The following ATRNL1 variants were observed in gnomAD, a reference collection of about 807,000 sequenced individuals.
The protein encoded by ATRNL1 is attractin like 1.
In ATRNL1, 95 loss-of-function variants were observed where a neutral mutation model predicts 182.7. The ratio of observed to expected loss-of-function variants is 0.52; its 90% CI spans 0.44 to 0.62. The LOEUF (loss-of-function observed/expected upper bound fraction) is 0.62. ATRNL1 is among the 20% of genes least tolerant of loss of function. The probability of loss-of-function intolerance (pLI) is 0.00; values close to 1 mark genes in which losing one functional copy is unlikely to be tolerated. For synonymous variants in ATRNL1, 576 were observed against 568.3 expected (o/e 1.01, Z -0.19); for missense variants, 1,471 against 1,679.5 (o/e 0.88, Z 2.17).
At chr10:115,209,723 T>C (rs1848948670) in intron 8 of ATRNL1, among the ~76,000 whole-genome samples, 1 of 151,900 alleles carries the variant, frequency 6.6e-6, no homozygotes, top group Admixed American at 6.6e-5. Context: ...TAAGAACATA[T>C]GTTTTCTGAG....
intron 21 of ATRNL1, among the ~76,000 whole-genome samples, chr10:115,433,910 C>T (rs1846282946): frequency 1.3e-5 from 2 of 152,086 alleles, no homozygotes; most frequent in South Asian, 4.2e-4. Context: ...TCCACCAGGT[C>T]CCCCAAGTTG....
chr10:115,342,767 T>G (rs904211361), intron 19 of ATRNL1, among the ~76,000 whole-genome samples: 13 of 152,124 alleles, frequency 8.5e-5, no homozygotes, highest in African/African-American at 2.4e-4. Context: ...GCATTTCTTT[T>G]AGGACAGGTC....
chr10:115,275,481 A>G (rs113295629), intron 13 of ATRNL1, among the ~76,000 whole-genome samples: 3,409 of 152,314 alleles, frequency 0.022, 48 homozygotes, highest in South Asian at 0.036. Flanking sequence ...CACCAATGCC[A>G]TAGATGTAAG....
intron 28 of ATRNL1, among the ~76,000 whole-genome samples, chr10:115,854,465 C>G (rs1473243663): frequency 1.3e-5 from 2 of 152,156 alleles, no homozygotes; most frequent in Admixed American, 6.5e-5. Context: ...TACAGGCATT[C>G]CCCCAGGTCT....
chr10:115,112,706 A>T (rs782698628), intron 1 of ATRNL1, among the ~76,000 whole-genome samples: 2 of 152,190 alleles, frequency 1.3e-5, no homozygotes, highest in Non-Finnish European at 2.9e-5. Context: ...TTAAGAAGGG[A>T]TGATATGATG....
At chr10:115,937,446 A>C (rs1350619514) in intron 28 of ATRNL1, among the ~76,000 whole-genome samples, 1 of 152,202 alleles carries the variant, frequency 6.6e-6, no homozygotes, top group African/African-American at 2.4e-5. Flanking sequence ...ATTTTTGTTC[A>C]ACAATGTAAC....
At chr10:115,540,312 C>G (rs963901423) in intron 25 of ATRNL1, among the ~76,000 whole-genome samples, 2 of 152,128 alleles carry the variant, frequency 1.3e-5, no homozygotes, top group South Asian at 2.1e-4. Flanking sequence ...TCCCGCTGCA[C>G]TGACTCAAGA....
At chr10:115,613,502 C>A (rs1370316856) in intron 26 of ATRNL1, among the ~76,000 whole-genome samples, 1 of 151,990 alleles carries the variant, frequency 6.6e-6, no homozygotes, top group Admixed American at 6.6e-5. Context: ...TTGTTGTATT[C>A]TTGTCTATTT....
intron 24 of ATRNL1, among the ~76,000 whole-genome samples, chr10:115,514,477 TA>T (rs35556455): frequency 8.6e-5 from 13 of 151,232 alleles, no homozygotes; most frequent in Non-Finnish European, 1.5e-4. Flanking sequence ...TGGGCAGATG[TA>T]AAAAAAATAT....
intron 13 of ATRNL1, among the ~76,000 whole-genome samples, chr10:115,269,932 T>A (rs1389622148): frequency 2.0e-5 from 3 of 152,058 alleles, no homozygotes; most frequent in Non-Finnish European, 4.4e-5. Flanking sequence ...TACTGACTCA[T>A]TAGATTGAAC....
At chr10:115,782,900 T>G (rs1187225355) in intron 27 of ATRNL1, among the ~76,000 whole-genome samples, 9 of 152,338 alleles carry the variant, frequency 5.9e-5, no homozygotes, top group Admixed American at 6.5e-5. Flanking sequence ...TTATGAAAGA[T>G]TCTAGAGAGT....
At chr10:115,304,479 C>T (rs909046801) in intron 17 of ATRNL1, among the ~76,000 whole-genome samples, 6 of 152,190 alleles carry the variant, frequency 3.9e-5, no homozygotes, top group African/African-American at 1.4e-4. Context: ...TTTTAAGGAG[C>T]AGAGAGTTTA....
chr10:115,913,057 G>T (rs932838196), intron 28 of ATRNL1, among the ~76,000 whole-genome samples: 2 of 152,224 alleles, frequency 1.3e-5, no homozygotes, highest in Admixed American at 1.3e-4. Context: ...GGCAGCTGCT[G>T]CTGGTAGCAT....
At chr10:115,617,319 A>G (rs952470961) in intron 26 of ATRNL1, among the ~76,000 whole-genome samples, 1 of 151,888 alleles carries the variant, frequency 6.6e-6, no homozygotes, top group African/African-American at 2.4e-5. Context: ...GTCAGTGCCT[A>G]TAACCCCTTT....
intron 28 of ATRNL1, among the ~76,000 whole-genome samples, chr10:115,918,394 C>G (rs569727535): frequency 6.6e-6 from 1 of 152,116 alleles, no homozygotes; most frequent in Non-Finnish European, 1.5e-5. Flanking sequence ...TGAGCCACCG[C>G]GTCCGGCCTT....
chr10:115,614,207 G>C (rs1484197095), intron 26 of ATRNL1, among the ~76,000 whole-genome samples: 3 of 151,834 alleles, frequency 2.0e-5, no homozygotes, highest in Non-Finnish European at 4.4e-5. Flanking sequence ...TATCCTGTAG[G>C]TTTTGGGGCG....
chr10:115,377,738 G>A (rs1180103819), intron 19 of ATRNL1, among the ~76,000 whole-genome samples: 1 of 152,150 alleles, frequency 6.6e-6, no homozygotes, highest in Non-Finnish European at 1.5e-5. Context: ...TCCTTGGGCT[G>A]ATGGAATTGC....
intron 26 of ATRNL1, among the ~76,000 whole-genome samples, chr10:115,719,040 A>T (rs10510011): frequency 6.6e-6 from 1 of 151,984 alleles, no homozygotes; most frequent in East Asian, 1.9e-4. Flanking sequence ...CACCATGGAA[A>T]TCTTGATATG....
intron 26 of ATRNL1, among the ~76,000 whole-genome samples, chr10:115,692,233 G>T (rs1555048439): frequency 6.6e-6 from 1 of 152,154 alleles, no homozygotes; most frequent in Non-Finnish European, 1.5e-5. Flanking sequence ...TTTTAATAAT[G>T]TGTGAAGCTA....
Sources: allele counts gnomAD v4.1 joint callset (sites outside exome capture counted in the v4.1 genomes callset), GRCh38; gene constraint gnomAD v4.1.1; transcripts MANE v1.5; gene names NCBI Gene and HGNC (gene_info 2026-07-23, HGNC 2026-07-21).